The following IGSF6 variants were observed in gnomAD, a reference collection of about 807,000 sequenced individuals.
IGSF6 encodes down-regulated by activation (immunoglobulin superfamily).
Under a neutral mutation model 24.7 loss-of-function variants are expected in IGSF6, and 23 were observed. That is an observed-to-expected ratio of 0.93 (90% CI 0.67 to 1.32). The LOEUF is 1.32. IGSF6 is among the 40% of genes most tolerant of loss of function. The pLI, the probability that IGSF6 is intolerant of heterozygous loss-of-function variation, is 0.00. For missense variants in IGSF6, 295 were observed against 293.6 expected (o/e 1.00, Z -0.04); for synonymous variants, 110 against 113.7 (o/e 0.97, Z 0.21).
At chr16:21,648,566 A>G (rs1432170400) in intron 1 of IGSF6, among the ~76,000 whole-genome samples, 2 of 152,220 alleles carry the variant, frequency 1.3e-5, no homozygotes, top group Non-Finnish European at 2.9e-5. Context: ...ACTGTCCACC[A>G]TGTGGTGCTC....
At chr16:21,650,768 G>A (rs1330788890) in intron 1 of IGSF6, among the ~76,000 whole-genome samples, 1 of 152,116 alleles carries the variant, frequency 6.6e-6, no homozygotes, top group East Asian at 1.9e-4. Flanking sequence ...TAACAAAAAA[G>A]AGAAGTTTGG....
chr16:21,651,262 T>G (rs1427413639), intron 1 of IGSF6, among the ~76,000 whole-genome samples: 1 of 151,860 alleles, frequency 6.6e-6, no homozygotes, highest in Non-Finnish European at 1.5e-5. Flanking sequence ...GGAAGAGAAC[T>G]AATTCTTGAC....
intron 1 of IGSF6, among the ~76,000 whole-genome samples, chr16:21,650,755 T>A (rs1384095993): frequency 3.9e-5 from 6 of 152,108 alleles, no homozygotes; most frequent in Non-Finnish European, 7.4e-5. Context: ...TTAGGCAACC[T>A]ATTAACAAAA....
In IGSF6 at chr16:21,643,587, G is replaced by T; in HGVS notation, c.546C>A (p.Asn182Lys). 1 of 1,606,290 alleles carries T rather than the reference G, an allele frequency of 6.2e-7. No homozygotes were observed. Among genetic ancestry groups the T allele is most frequent in the East Asian group, 2.2e-5 (1 of 44,722 alleles). The change falls in exon 4 of 6, where the codon AAC (asparagine) becomes AAA (lysine). Residue 182 changes from asparagine (N) to lysine (K), a missense_variant. By Grantham distance (94) the Asn-to-Lys change is moderately conservative. Coordinates refer to ENST00000268389, the MANE Select transcript of IGSF6 (RefSeq NM_005849.4). ...AFILLSKSKS[N>K]PLRNKEIKED... ...CTTTTATTTCTTTGTTTCTTAGAGG[G>T]TTGGATTTTGACTGCCAAGAAGAGA...
intron 1 of IGSF6, among the ~76,000 whole-genome samples, chr16:21,651,039 C>T (rs1208329937): frequency 6.6e-6 from 1 of 152,048 alleles, no homozygotes; most frequent in South Asian, 2.1e-4. Context: ...CTGGCTAACA[C>T]GGTGAAACGC....
At chr16:21,642,401 T>TA (rs1411860467) in intron 5 of IGSF6, 1 of 152,184 alleles carries the variant, frequency 6.6e-6, no homozygotes. Context: ...CCATAAATTT[T>TA]AAAAAATAAA....
At chr16:21,645,714 A>C (rs1966405079) in intron 2 of IGSF6, among the ~76,000 whole-genome samples, 1 of 152,120 alleles carries the variant, frequency 6.6e-6, no homozygotes, top group African/African-American at 2.4e-5. Flanking sequence ...TTTACAAGCC[A>C]TTTTTCCCTT....
At chr16:21,650,151 T>G (rs1404403180) in intron 1 of IGSF6, among the ~76,000 whole-genome samples, 1 of 150,754 alleles carries the variant, frequency 6.6e-6, no homozygotes, top group African/African-American at 2.4e-5. Flanking sequence ...CTGTCTCTAT[T>G]AAAGGAATAG....
At position 21,652,516 on chromosome 16, in the gene IGSF6, A is replaced by G. The variant is rs1279139944; in HGVS notation, c.67+16T>C. 3 of 1,598,544 alleles carry G rather than the reference A, an allele frequency of 1.9e-6. No individual in the cohort carries two copies. Among genetic ancestry groups the G allele is most frequent in the East Asian group, 2.2e-5 (1 of 44,646 alleles). On this transcript the variant is annotated intron_variant, in intron 1 of 5. Transcript: ENST00000268389. ...GATTTAAATAAAATGAAGGAGGAGA[A>G]GAAAAAGAACCTTACCGACACAAAA...
At position 21,644,292 on chromosome 16, in the gene IGSF6, T is replaced by C. The variant is rs959821452; in HGVS notation, c.532A>G (p.Lys178Glu). 4.4e-6 allele frequency: 7 copies of C among 1,601,848 alleles called. No individual in the cohort carries two copies. The Admixed American group carries it at 6.7e-5, about 15-fold the overall frequency. Residue 178 changes from lysine to glutamate, a missense_variant and splice_region_variant, in exon 3 of 6, where the codon AAA becomes GAA. Physicochemically the swap from Lys to Glu is moderately conservative, Grantham distance 56 (BLOSUM62 1). Coordinates refer to ENST00000268389, the MANE Select transcript of IGSF6 (RefSeq NM_005849.4). ...GVCVAFILLS[K>E]SKSNPLRNKE... ...CCATGCAAGAGGATTTGACTTACTT[T>C]GGAGAGGAGTATGAAGGCCACGCAC...
At position 21,641,099 on chromosome 16, in the gene IGSF6, C is replaced by T. The variant is rs1056408094; in HGVS notation, c.*435G>A. 2 of 153,678 alleles carry T rather than the reference C, an allele frequency of 1.3e-5. No individual in the cohort carries two copies. Among genetic ancestry groups the T allele is most frequent in the Admixed American group, 1.3e-4 (2 of 15,340 alleles). The allele number at this position is 153,678 out of a possible 1,614,324, so 9.5% of individuals were successfully genotyped here. On this transcript the variant is annotated 3_prime_UTR_variant, in exon 6 of 6. Coordinates refer to ENST00000268389, the MANE Select transcript of IGSF6 (RefSeq NM_005849.4). ...GAAATAACTTTACTAAGGTGCTTTT[C>T]AAAATGAATGTCTCTAACTCAAATT...
rs567484477 is a variant in IGSF6, at chr16:21,641,650, A to G, written c.667-57T>C. The G allele has an allele frequency of 2.5e-5, 28 of 1,105,284 alleles. No individual in the cohort carries two copies. The East Asian group carries it at 6.2e-4, about 24-fold the overall frequency. 68.5% of individuals were successfully genotyped at this position (1,105,284 alleles called of 1,614,324 possible). On this transcript the variant is annotated intron_variant, in intron 5 of 5. Coordinates refer to ENST00000268389, the MANE Select transcript of IGSF6 (RefSeq NM_005849.4). ...TAAGGTTATGTAACCAATGAAGCCAACTGCCAAGGAACATGCAAACCACTG... is the reference window on the plus strand; with the variant it reads ...TAAGGTTATGTAACCAATGAAGCCAGCTGCCAAGGAACATGCAAACCACTG...
intron 1 of IGSF6, among the ~76,000 whole-genome samples, chr16:21,649,479 C>G (rs1463190276): frequency 6.6e-6 from 1 of 152,084 alleles, no homozygotes; most frequent in Admixed American, 6.6e-5. Flanking sequence ...GGATTGGATT[C>G]CCTCTCAAGT....
At position 21,645,641 on chromosome 16, in the gene IGSF6, C is replaced by G. The variant is rs145308787; in HGVS notation, c.428-1245G>C. Among the ~76,000 whole-genome samples, 826 of 152,292 alleles carry G rather than the reference C, an allele frequency of 5.4e-3. 5 individuals carry two copies. Among genetic ancestry groups the G allele is most frequent in the Middle Eastern group, 0.038 (11 of 292 alleles). ...GTTGCCATGTCTGCCTTAACACTTTCAATTCTGCCTTTCACTTTCACTTCA... is the reference window on the plus strand; with the variant it reads ...GTTGCCATGTCTGCCTTAACACTTTGAATTCTGCCTTTCACTTTCACTTCA... On this transcript the variant is annotated intron_variant, in intron 2 of 5. Coordinates refer to ENST00000268389, the MANE Select transcript of IGSF6 (RefSeq NM_005849.4).
At chr16:21,651,664 AC>A (rs1394398033) in intron 1 of IGSF6, among the ~76,000 whole-genome samples, 7 of 151,622 alleles carry the variant, frequency 4.6e-5, no homozygotes, top group Non-Finnish European at 1.0e-4. Flanking sequence ...AGTACAGTCA[AC>A]CCCCTGCCAT....
intron 3 of IGSF6, 23 bp from the exon 4 acceptor site, chr16:21,643,621 C>G (rs183568987): frequency 6.4e-7 from 1 of 1,555,446 alleles, no homozygotes; most frequent in Admixed American, 1.8e-5. Context: ...GAAGGAAAGT[C>G]TATGAAACAT....
At chr16:21,643,434 G>C in intron 4 of IGSF6, 114 bp downstream of exon 4, 3 of 699,954 alleles carry the variant, frequency 4.3e-6, no homozygotes, top group Non-Finnish European at 4.7e-6. Context: ...AAGTTACCTT[G>C]ATATTCTGTT....
rs781448340 is a variant in IGSF6, at chr16:21,647,349, C to T, written c.211G>A (p.Gly71Ser). The change falls in exon 2 of 6, where the codon GGT (glycine) becomes AGT (serine). Residue 71 changes from glycine to serine, a missense_variant. By Grantham distance (56) the Gly-to-Ser change is moderately conservative. Transcript: ENST00000268389. ...EQPTCLWFRY[G>S]AHQPENLCLD... ...CACAGGTTCTCAGGCTGGTGAGCACCGTAGCGAAACCACAGGCATGTTGGT... is the reference window on the plus strand; with the variant it reads ...CACAGGTTCTCAGGCTGGTGAGCACTGTAGCGAAACCACAGGCATGTTGGT... 4.3e-6 allele frequency: 7 copies of T among 1,614,064 alleles called. No individual in the cohort carries two copies. The highest frequency in any genetic ancestry group is 3.3e-5 in the Admixed American group (2 of 60,000).
At position 21,644,326 on chromosome 16, in the gene IGSF6, C is replaced by T. The variant is rs1445666944; in HGVS notation, c.498G>A (p.Val166=). Residue 166 remains valine, a synonymous_variant, in exon 3 of 6, where the codon GTG becomes GTA. Coordinates refer to ENST00000268389, the MANE Select transcript of IGSF6 (RefSeq NM_005849.4). ...GTATGAAGGCCACGCACACACCGGT[C>T]ACATAGACAGAGAGCAGTGATACAA... ...TALVSLLSVY[V]TGVCVAFILL... is the part of the protein sequence containing the mutation. The T allele has an allele frequency of 1.2e-6, 2 of 1,613,922 alleles. No homozygotes were observed. Among genetic ancestry groups the T allele is most frequent in the South Asian group, 2.2e-5 (2 of 91,060 alleles).
Sources: gnomAD v4.1 joint callset for allele counts (sites outside exome capture counted in the v4.1 genomes callset) on GRCh38, gnomAD v4.1.1 for gene constraint, MANE v1.5 for transcripts, NCBI Gene and HGNC (gene_info 2026-07-23, HGNC 2026-07-21) for gene names.